Variants in NKD2 observed in about 807,000 individuals in gnomAD.
NKD2 encodes the protein protein naked cuticle homolog 2.
A neutral mutation model predicts 34.8 loss-of-function variants in NKD2; 43 were observed. That is an observed-to-expected ratio of 1.24 (90% confidence interval 0.97 to 1.60). NKD2 has a LOEUF of 1.60. NKD2 is among the 40% of genes most tolerant of loss of function. The pLI is 0.00. For synonymous variants in NKD2, 278 were observed against 265.1 expected, an observed-to-expected ratio of 1.05 and a Z score of -0.47; for missense variants, 675 against 627.1, an observed-to-expected ratio of 1.08 and a Z score of -0.82.
At chr5:1,029,781 CT>C (rs1756567836) in intron 3 of NKD2, among the ~76,000 whole-genome samples, 1 of 152,234 alleles carries the variant, frequency 6.6e-6, no homozygotes, top group Admixed American at 6.5e-5. Flanking sequence ...AGTTCTGGCA[CT>C]TTCCAGGAAG....
At chr5:1,034,937 A>C in intron 7 of NKD2, 34 bp downstream of exon 7, 1 of 1,574,356 alleles carries the variant, frequency 6.4e-7, no homozygotes, top group Non-Finnish European at 8.6e-7. Flanking sequence ...AGAGGACCCT[A>C]CCCAACATTG....
intron 3 of NKD2, among the ~76,000 whole-genome samples, chr5:1,030,131 C>T (rs750268702): frequency 8.5e-5 from 13 of 152,128 alleles, no homozygotes; most frequent in Non-Finnish European, 1.8e-4. Context: ...AGGGATGCCT[C>T]GGGGCACCCA....
intron 7 of NKD2, among the ~76,000 whole-genome samples, 198 bp downstream of exon 7, chr5:1,035,101 CAAGT>C (rs748978826): frequency 1.3e-4 from 20 of 151,982 alleles, no homozygotes; most frequent in Non-Finnish European, 2.4e-4. Context: ...AATGAATGAA[CAAGT>C]GAGTGAGTTA....
rs1561004165 is a variant in NKD2 at position 1,038,474 on chromosome 5, C to CCCCACCCCCCACCT, written c.*104_*117dup. The CCCCACCCCCCACCT allele has an allele frequency of 6.5e-7, 1 of 1,533,474 alleles. No individual in the cohort carries two copies. Among genetic ancestry groups the CCCCACCCCCCACCT allele is most frequent in the Admixed American group, 2.0e-5 (1 of 50,958 alleles). 95.0% of individuals were successfully genotyped at this position (1,533,474 alleles called of 1,614,324 possible). On this transcript the variant is annotated 3_prime_UTR_variant, in exon 10 of 10. Transcript: ENST00000296849. The surrounding 1 kb of genome is among the most constrained non-coding windows in gnomAD (Gnocchi z 4.5). ...GCTGTGTGCCCATGGGGAGCCCAGC[C>CCCCACCCCCCACCT]CCCACCCCCCACCTCCGACAGCAAA... is the stretch of plus-strand genomic sequence containing the variant.
chr5:1,024,101 G>T (rs1484981538), intron 3 of NKD2, among the ~76,000 whole-genome samples: 5 of 1,952 alleles, frequency 2.6e-3, no homozygotes, highest in African/African-American at 2.9e-3. Flanking sequence ...CTTCCCACCC[G>T]CTGTGGGCGT....
chr5:1,011,407 G>A (rs1019204736), intron 3 of NKD2, among the ~76,000 whole-genome samples: 4 of 152,160 alleles, frequency 2.6e-5, no homozygotes, highest in Non-Finnish European at 4.4e-5. Context: ...AGAGTCGCAG[G>A]CCACCACAGC....
chr5:1,026,839 C>G (rs1347584236), intron 3 of NKD2, among the ~76,000 whole-genome samples: 1 of 152,396 alleles, frequency 6.6e-6, no homozygotes, highest in East Asian at 1.9e-4. Context: ...CAGGTGCCTC[C>G]CGAGTGCCCT....
intron 3 of NKD2, among the ~76,000 whole-genome samples, chr5:1,013,067 C>G (rs557292487): frequency 1.4e-4 from 21 of 152,334 alleles, no homozygotes; most frequent in African/African-American, 5.1e-4. Context: ...GGTGCTCGGC[C>G]ACGTGCCACA....
At position 1,021,734 on chromosome 5, in the gene NKD2, G is replaced by A. The variant is rs879096945; in HGVS notation, c.142-10418G>A. Among the ~76,000 whole-genome samples, 9 of 152,100 alleles carry A rather than the reference G, an allele frequency of 5.9e-5. No individual in the cohort carries two copies. The East Asian group carries it at 1.8e-3, about 30-fold the overall frequency. ...TGGCGGCCGGCAGAAGTGGGCCCCC[G>A]GCACCTCCTTGTAAGAAAACACTCT... On this transcript the variant is annotated intron_variant, in intron 3 of 9. Coordinates refer to ENST00000296849, the MANE Select transcript of NKD2 (RefSeq NM_033120.4).
At chr5:1,016,214 G>A (rs146159371) in intron 3 of NKD2, among the ~76,000 whole-genome samples, 78 of 152,382 alleles carry the variant, frequency 5.1e-4, no homozygotes, top group Non-Finnish European at 5.6e-4. Flanking sequence ...GACCTGCTGG[G>A]ACAGGAGCCT....
chr5:1,011,662 G>A (rs1755755521), intron 3 of NKD2, among the ~76,000 whole-genome samples: 1 of 152,176 alleles, frequency 6.6e-6, no homozygotes, highest in Admixed American at 6.5e-5. Flanking sequence ...GTGGAGATTG[G>A]GCGCACTAAG....
intron 3 of NKD2, among the ~76,000 whole-genome samples, chr5:1,011,848 T>C (rs1755763703): frequency 6.6e-6 from 1 of 152,286 alleles, no homozygotes. Context: ...TGGCTCTCCC[T>C]GGCGACTCTG....
intron 9 of NKD2, chr5:1,036,786 G>A (rs1436445545): frequency 1.1e-5 from 5 of 463,188 alleles, no homozygotes; most frequent in African/African-American, 6.0e-5. Flanking sequence ...GTGGATGGCC[G>A]GCAGTGTGGA....
chr5:1,028,046 A>C (rs1560993030), intron 3 of NKD2, among the ~76,000 whole-genome samples: 1 of 152,158 alleles, frequency 6.6e-6, no homozygotes, highest in Non-Finnish European at 1.5e-5. Flanking sequence ...TTTCCAAGGA[A>C]GCTGGGGGTT....
intron 3 of NKD2, among the ~76,000 whole-genome samples, chr5:1,018,097 C>T (rs1461369189): frequency 3.9e-5 from 6 of 152,148 alleles, no homozygotes; most frequent in Non-Finnish European, 7.4e-5. Context: ...GGGACGGTAG[C>T]AGGCAGGGGC....
chr5:1,033,988 GGT>G, intron 5 of NKD2: 1 of 574,672 alleles, frequency 1.7e-6, no homozygotes, highest in Non-Finnish European at 3.1e-6. Context: ...AGCTGAGATA[GGT>G]GTCACTGTGG....
intron 3 of NKD2, among the ~76,000 whole-genome samples, chr5:1,018,387 G>A (rs1756041648): frequency 6.6e-6 from 1 of 152,218 alleles, no homozygotes. Flanking sequence ...GGGGCTTCTG[G>A]CCCTTCCTCT....
intron 3 of NKD2, among the ~76,000 whole-genome samples, chr5:1,021,437 C>A (rs889303394): frequency 6.8e-6 from 1 of 146,630 alleles, no homozygotes; most frequent in Non-Finnish European, 1.5e-5. Flanking sequence ...AGCCCCTCCC[C>A]ACAGGGCCTC....
chr5:1,035,574 C>A (rs1733862850), intron 8 of NKD2, 101 bp downstream of exon 8: 3 of 924,996 alleles, frequency 3.2e-6, no homozygotes, highest in Non-Finnish European at 5.0e-6. Flanking sequence ...ACACACCATC[C>A]TCTAGGTCAG....
Sources: gnomAD v4.1 joint callset for allele counts (sites outside exome capture counted in the v4.1 genomes callset) on GRCh38, gnomAD v4.1.1 for gene constraint, Gnocchi (gnomAD v3.1) non-coding constraint, MANE v1.5 for transcripts, NCBI Gene and HGNC (gene_info 2026-07-23, HGNC 2026-07-21) for gene names.